Variants in RYR3 observed in about 807,000 individuals in gnomAD.
RYR3 encodes brain ryanodine receptor-calcium release channel.
In RYR3, 207 loss-of-function variants were observed where a neutral mutation model predicts 584.3. The ratio of observed to expected loss-of-function variants is 0.35; its 90% CI spans 0.32 to 0.40. RYR3 has a LOEUF of 0.40. RYR3 is among the 10% of genes least tolerant of loss of function. The pLI is 1.00. For synonymous variants in RYR3, 2,416 were observed against 2,248.5 expected, an observed-to-expected ratio of 1.07 and a Z score of -2.11; for missense variants, 5,616 against 6,089.2, an observed-to-expected ratio of 0.92 and a Z score of 2.59.
At chr15:33,710,147 A>G (rs1306011968) in intron 43 of RYR3, among the ~76,000 whole-genome samples, 1 of 152,222 alleles carries the variant, frequency 6.6e-6, no homozygotes, top group Admixed American at 6.5e-5. Context: ...TTGATAATTT[A>G]TTAAGAAGAG....
chr15:33,770,408 G>C (rs1362970619), intron 62 of RYR3, among the ~76,000 whole-genome samples: 1 of 152,198 alleles, frequency 6.6e-6, no homozygotes, highest in Non-Finnish European at 1.5e-5. Context: ...ATGAAGGTCA[G>C]TTGCAGGTTG....
At chr15:33,580,248 A>C in intron 13 of RYR3, 104 bp downstream of exon 13, 1 of 937,922 alleles carries the variant, frequency 1.1e-6, no homozygotes, top group East Asian at 2.7e-5. Context: ...TGTTTATGAG[A>C]GAGCCAGAGG....
chr15:33,734,876 A>G (rs1424238586), intron 48 of RYR3, among the ~76,000 whole-genome samples: 1 of 151,878 alleles, frequency 6.6e-6, no homozygotes, highest in Non-Finnish European at 1.5e-5. Context: ...TTTTTAGTAG[A>G]AAAAGGGCTT....
intron 2 of RYR3, 44 bp from the exon 3 acceptor site, chr15:33,503,587 G>A (rs898431005): frequency 8.6e-7 from 1 of 1,158,442 alleles, no homozygotes. Flanking sequence ...ACTGATCTCT[G>A]ACTGATATGA....
In RYR3 at chr15:33,860,670, T is replaced by C. The variant is rs1215134291; in HGVS notation, c.14364+11T>C. ...CGAGAAGATATGGAGGTAATGTTAC[T>C]CTAACTACTAATCCCAGCTCTATTT... On this transcript the variant is annotated intron_variant, in intron 101 of 103. Coordinates refer to ENST00000634891, the MANE Select transcript of RYR3 (RefSeq NM_001036.6). 2 of 1,557,150 alleles carry C rather than the reference T, an allele frequency of 1.3e-6. No homozygotes were observed. The highest frequency in any genetic ancestry group is 1.8e-6 in the Non-Finnish European group (2 of 1,140,696).
At chr15:33,686,603 G>T (rs1198506367) in intron 38 of RYR3, among the ~76,000 whole-genome samples, 1 of 152,084 alleles carries the variant, frequency 6.6e-6, no homozygotes, top group Non-Finnish European at 1.5e-5. Context: ...TGCTACCAAA[G>T]CCTGGCAGAG....
At chr15:33,450,522 T>C (rs754414302) in intron 1 of RYR3, among the ~76,000 whole-genome samples, 2 of 152,034 alleles carry the variant, frequency 1.3e-5, no homozygotes, top group Admixed American at 1.3e-4. Context: ...CAAAACTGTT[T>C]GGAGCAGAGT....
chr15:33,679,309 G>A (rs2064417657), intron 38 of RYR3, among the ~76,000 whole-genome samples: 1 of 152,170 alleles, frequency 6.6e-6, no homozygotes, highest in South Asian at 2.1e-4. Flanking sequence ...CGCTGTAAAT[G>A]TTTAGTGATG....
intron 19 of RYR3, among the ~76,000 whole-genome samples, chr15:33,619,382 A>G (rs767059143): frequency 1.3e-5 from 2 of 152,198 alleles, no homozygotes; most frequent in Non-Finnish European, 2.9e-5. Context: ...GAACTCAAGG[A>G]GCCAGGGAGG....
At chr15:33,844,323 C>T (rs1376818177) in intron 92 of RYR3, among the ~76,000 whole-genome samples, 1 of 152,198 alleles carries the variant, frequency 6.6e-6, no homozygotes, top group Non-Finnish European at 1.5e-5. Flanking sequence ...TTCAGACAGC[C>T]ATCCAAGAAG....
At chr15:33,862,429 A>G (rs1888628294) in intron 102 of RYR3, among the ~76,000 whole-genome samples, 2 of 150,822 alleles carry the variant, frequency 1.3e-5, no homozygotes, top group African/African-American at 4.9e-5. Context: ...CTGATCTCGA[A>G]CTCCTGAGCT....
chr15:33,357,834 C>A (rs139321541), intron 1 of RYR3, among the ~76,000 whole-genome samples: 1 of 152,156 alleles, frequency 6.6e-6, no homozygotes, highest in South Asian at 2.1e-4. Flanking sequence ...CAGTCACCAG[C>A]GAGCCTAATC....
intron 10 of RYR3, among the ~76,000 whole-genome samples, chr15:33,552,264 G>A (rs1365138502): frequency 2.0e-5 from 3 of 152,162 alleles, no homozygotes; most frequent in African/African-American, 7.2e-5. Flanking sequence ...GTCTCTGGGG[G>A]AAGCAAGGAA....
rs2043465701 is a variant in RYR3, at chr15:33,412,311, C to T, written c.52-61108C>T. On this transcript the variant is annotated intron_variant, in intron 1 of 103. Transcript: ENST00000634891. This position sits in a 1 kb window ranked among gnomAD's most constrained non-coding sequence, Gnocchi z 4.3. ...TTCTTGGCACGGACTTGCCAGTGAC[C>T]TCTTCCAAGTGCCAAAGGTATGTTC... is the stretch of plus-strand genomic sequence containing the variant. Among the ~76,000 whole-genome samples the T allele has an allele frequency of 6.6e-6, 1 of 152,074 alleles. No homozygotes were observed. The highest frequency in any genetic ancestry group is 2.1e-4 in the South Asian group (1 of 4,804).
chr15:33,680,920 G>A (rs1254215053), intron 38 of RYR3, among the ~76,000 whole-genome samples: 2 of 152,322 alleles, frequency 1.3e-5, no homozygotes, highest in South Asian at 2.1e-4. Context: ...AGGGAGAACA[G>A]GGCAAAAAGA....
chr15:33,541,213 A>G (rs975561481), intron 7 of RYR3, among the ~76,000 whole-genome samples: 25 of 152,162 alleles, frequency 1.6e-4, no homozygotes, highest in Non-Finnish European at 3.2e-4. Context: ...TACTAGTTGT[A>G]AGTATAAAGA....
intron 98 of RYR3, among the ~76,000 whole-genome samples, chr15:33,855,626 AGCC>A (rs2079572945): frequency 6.5e-4 from 1 of 1,528 alleles, no homozygotes; most frequent in South Asian, 0.024. Context: ...TCCAATTAAG[AGCC>A]AATATTTCTG....
chr15:33,484,521 A>G (rs1043140606), intron 2 of RYR3, among the ~76,000 whole-genome samples: 1 of 152,226 alleles, frequency 6.6e-6, no homozygotes, highest in Non-Finnish European at 1.5e-5. Flanking sequence ...GGAGCTGAAC[A>G]TGTATAGGGA....
chr15:33,472,063 A>G (rs1023700750), intron 1 of RYR3, among the ~76,000 whole-genome samples: 6 of 152,238 alleles, frequency 3.9e-5, no homozygotes, highest in East Asian at 3.8e-4. Flanking sequence ...AATGAAGACC[A>G]TGAATTCTGA....
Sources: gnomAD v4.1 joint callset for allele counts (sites outside exome capture counted in the v4.1 genomes callset) on GRCh38, gnomAD v4.1.1 for gene constraint, Gnocchi (gnomAD v3.1) non-coding constraint, MANE v1.5 for transcripts, NCBI Gene and HGNC (gene_info 2026-07-23, HGNC 2026-07-21) for gene names.